Variants in CNTNAP4 observed in about 807,000 individuals in gnomAD.
The protein encoded by CNTNAP4 is contactin associated protein family member 4.
In CNTNAP4, 98 loss-of-function variants were observed where a neutral mutation model predicts 148.4. That is an observed-to-expected ratio of 0.66 (90% CI 0.56 to 0.78). The LOEUF (loss-of-function observed/expected upper bound fraction) is 0.78, where lower values mean the gene tolerates loss of function less well. Among genes scored for constraint, CNTNAP4 ranks in the 30% least tolerant of loss-of-function variants. The pLI is 0.00. For synonymous variants in CNTNAP4, 730 were observed against 565.1 expected (o/e 1.29, Z -4.14); for missense variants, 1,935 against 1,565.6 (o/e 1.24, Z -3.98).
intron 3 of CNTNAP4, among the ~76,000 whole-genome samples, chr16:76,376,742 T>C (rs2015453436): frequency 6.6e-6 from 1 of 152,160 alleles, no homozygotes. Context: ...GATACTGTGA[T>C]GGTAGGACAC....
At chr16:76,383,146 G>T (rs1293960446) in intron 3 of CNTNAP4, among the ~76,000 whole-genome samples, 1 of 150,984 alleles carries the variant, frequency 6.6e-6, no homozygotes, top group Admixed American at 6.6e-5. Flanking sequence ...TGCATCTCAG[G>T]GTAACCAAAT....
intron 2 of CNTNAP4, among the ~76,000 whole-genome samples, chr16:76,324,092 A>G (rs1461823777): frequency 6.6e-6 from 1 of 152,150 alleles, no homozygotes; most frequent in East Asian, 1.9e-4. Flanking sequence ...CCTCAATAAG[A>G]AGGTGAGGGG....
rs1407773859 is a variant in CNTNAP4 at position 76,553,754 on chromosome 16, T to C, written c.3662-82T>C. 4 of 894,382 alleles carry C rather than the reference T, an allele frequency of 4.5e-6. No individual in the cohort carries two copies. The East Asian group carries it at 7.6e-5, about 17-fold the overall frequency. 55.4% of individuals were successfully genotyped at this position (894,382 alleles called of 1,614,324 possible). The stretch of plus-strand genomic sequence containing the variant: ...CATTCGCCTCCATAATTCTCTGTGG[T>C]TTAAAACATTTATGATGTTTTCAAA... On this transcript the variant is annotated intron_variant, in intron 22 of 23. Coordinates refer to ENST00000611870, the MANE Select transcript of CNTNAP4 (RefSeq NM_033401.5).
intron 1 of CNTNAP4, among the ~76,000 whole-genome samples, chr16:76,297,639 T>C (rs1959451656): frequency 6.6e-6 from 1 of 152,164 alleles, no homozygotes; most frequent in East Asian, 1.9e-4. Context: ...TATTATCTTT[T>C]AAATTTATCA....
intron 1 of CNTNAP4, among the ~76,000 whole-genome samples, chr16:76,283,832 A>C (rs1385218826): frequency 6.6e-6 from 1 of 152,006 alleles, no homozygotes. Context: ...AACAAACAAA[A>C]GAAGTCCTTC....
chr16:76,354,917 A>G (rs901697619), intron 2 of CNTNAP4, among the ~76,000 whole-genome samples: 15 of 152,332 alleles, frequency 9.8e-5, no homozygotes, highest in Admixed American at 5.9e-4. Flanking sequence ...CCACAGCTTT[A>G]GTTCCTTCAT....
At chr16:76,319,036 T>C (rs988529651) in intron 2 of CNTNAP4, among the ~76,000 whole-genome samples, 1 of 151,902 alleles carries the variant, frequency 6.6e-6, no homozygotes, top group Non-Finnish European at 1.5e-5. Flanking sequence ...GGATAAGAAG[T>C]GTCAAGGGTA....
intron 4 of CNTNAP4, among the ~76,000 whole-genome samples, chr16:76,431,664 G>A (rs1006606324): frequency 1.3e-5 from 2 of 152,190 alleles, no homozygotes; most frequent in African/African-American, 4.8e-5. Context: ...GGGCAGCAGA[G>A]TGAGACTCTG....
At position 76,422,601 on chromosome 16, in the gene CNTNAP4, CT is replaced by C. The variant is rs1292770841; in HGVS notation, c.391-4847del. ...CTTTCATGTTCTGTTGAAGTGATGC[CT>C]TTTGATGGCTTAGCTAAATTATGGG... On this transcript the variant is annotated intron_variant, in intron 3 of 23. Transcript: ENST00000611870. 2.9e-4 allele frequency among the ~76,000 whole-genome samples: 44 copies of C among 152,168 alleles called. No homozygotes were observed. In the Middle Eastern group the frequency reaches 0.01, roughly 35 times the overall value.
At chr16:76,535,331 A>C (rs2084168103) in intron 17 of CNTNAP4, among the ~76,000 whole-genome samples, 1 of 152,150 alleles carries the variant, frequency 6.6e-6, no homozygotes, top group Admixed American at 6.5e-5. Context: ...AATATTTTTT[A>C]GAAAAAAAAT....
chr16:76,334,401 C>T (rs925033925), intron 2 of CNTNAP4, among the ~76,000 whole-genome samples: 3 of 152,094 alleles, frequency 2.0e-5, no homozygotes, highest in African/African-American at 7.2e-5. Context: ...TCTGCCTTAT[C>T]TTCGACTTGC....
intron 1 of CNTNAP4, among the ~76,000 whole-genome samples, chr16:76,278,889 C>T (rs529504581): frequency 6.6e-5 from 10 of 152,138 alleles, no homozygotes; most frequent in African/African-American, 1.7e-4. Flanking sequence ...ACCTGGCTCC[C>T]GTGATTTCGT....
At chr16:76,511,415 C>A (rs2083021645) in intron 15 of CNTNAP4, among the ~76,000 whole-genome samples, 1 of 152,116 alleles carries the variant, frequency 6.6e-6, no homozygotes, top group South Asian at 2.1e-4. Flanking sequence ...CAATAAATAA[C>A]TTTGCAGAAG....
In CNTNAP4 at chr16:76,345,398, G is replaced by A. The variant is rs1964818958; in HGVS notation, c.197-9920G>A. ...AATAAAAACAAAACAGTGATTTCCT[G>A]TCAAAGAAAAATTGCACTGAATTGA... On this transcript the variant is annotated intron_variant, in intron 2 of 23. Coordinates refer to ENST00000611870, the MANE Select transcript of CNTNAP4 (RefSeq NM_033401.5). Among the ~76,000 whole-genome samples the A allele has an allele frequency of 2.0e-5, 3 of 152,218 alleles. No individual in the cohort carries two copies. The South Asian group carries it at 6.2e-4, about 31-fold the overall frequency.
intron 1 of CNTNAP4, among the ~76,000 whole-genome samples, chr16:76,281,869 T>C (rs541122119): frequency 3.4e-4 from 51 of 152,068 alleles, no homozygotes; most frequent in South Asian, 2.7e-3. Context: ...AATTTTATTC[T>C]TCCACTTATT....
intron 1 of CNTNAP4, among the ~76,000 whole-genome samples, chr16:76,309,325 G>T (rs1597145440): frequency 6.6e-6 from 1 of 151,968 alleles, no homozygotes; most frequent in East Asian, 1.9e-4. Flanking sequence ...TTTAGAGTTT[G>T]CTGCAGCAAG....
intron 2 of CNTNAP4, among the ~76,000 whole-genome samples, chr16:76,333,270 G>T (rs770969380): frequency 6.6e-6 from 1 of 152,104 alleles, no homozygotes; most frequent in East Asian, 1.9e-4. Context: ...TAGCCATGAT[G>T]TGTCTCTTGT....
intron 21 of CNTNAP4, among the ~76,000 whole-genome samples, chr16:76,552,206 T>C (rs1305270877): frequency 1.3e-5 from 2 of 152,186 alleles, no homozygotes; most frequent in Non-Finnish European, 2.9e-5. Flanking sequence ...ACTCACTCAC[T>C]ATCACAATAA....
chr16:76,549,519 A>T lies in CNTNAP4; in HGVS notation c.3443-3764A>T, dbSNP rs202185745. Among the ~76,000 whole-genome samples the T allele has an allele frequency of 4.6e-5, 7 of 152,316 alleles. No individual in the cohort carries two copies. The East Asian group carries it at 1.4e-3, about 29-fold the overall frequency. ...AGACTTAAAACCATTCAACATCAAT[A>T]AAAGGAGAAAAAAACTAAACCAAAA... On this transcript the variant is annotated intron_variant, in intron 21 of 23. Transcript: ENST00000611870.
Sources: gnomAD v4.1 joint callset for allele counts (sites outside exome capture counted in the v4.1 genomes callset) on GRCh38, gnomAD v4.1.1 for gene constraint, MANE v1.5 for transcripts, NCBI Gene and HGNC (gene_info 2026-07-23, HGNC 2026-07-21) for gene names.